The following MOB3B variants were observed in gnomAD, a reference collection of about 807,000 sequenced individuals.
The protein encoded by MOB3B is MOB kinase activator-like 2B.
In MOB3B, 7 loss-of-function variants were observed where a neutral mutation model predicts 18.7. The observed-to-expected ratio is 0.37, with a 90% CI of 0.21 to 0.70. MOB3B has a LOEUF of 0.70. Among genes scored for constraint, MOB3B ranks in the 30% least tolerant of loss-of-function variants. MOB3B has a pLI of 0.52. For synonymous variants in MOB3B, 111 were observed against 99.9 expected, an observed-to-expected ratio of 1.11 and a Z score of -0.66; for missense variants, 253 against 281.3, an observed-to-expected ratio of 0.90 and a Z score of 0.72.
chr9:27,399,755 G>A (rs924097868), intron 2 of MOB3B, among the ~76,000 whole-genome samples: 1 of 152,136 alleles, frequency 6.6e-6, no homozygotes, highest in Non-Finnish European at 1.5e-5. Flanking sequence ...ACTGCCAAGA[G>A]ATCTTCTCTA....
At chr9:27,415,672 C>T (rs1157735714) in intron 2 of MOB3B, among the ~76,000 whole-genome samples, 1 of 152,204 alleles carries the variant, frequency 6.6e-6, no homozygotes, top group African/African-American at 2.4e-5. Context: ...CATCAGCTAA[C>T]TGTGTGAGAA....
rs148862219 is a variant in MOB3B at position 27,412,080 on chromosome 9, C to T, written c.418+43053G>A. On this transcript the variant is annotated intron_variant, in intron 2 of 3. Transcript: ENST00000262244. ...GGGTCGTTTCATTAACAAGGAGAAA[C>T]GAAATAATTCACATAATGTGTGGAA... 1.2e-3 allele frequency among the ~76,000 whole-genome samples: 176 copies of T among 147,816 alleles called. 1 individual carries two copies. The highest frequency in any genetic ancestry group is 4.1e-3 in the African/African-American group (165 of 39,972).
At chr9:27,436,948 G>A (rs1311317251) in intron 2 of MOB3B, among the ~76,000 whole-genome samples, 3 of 141,794 alleles carry the variant, frequency 2.1e-5, no homozygotes, top group Admixed American at 7.3e-5. Flanking sequence ...ACAAGGAACA[G>A]AACGCGCAAA....
chr9:27,514,636 G>A (rs1444853475), intron 1 of MOB3B, among the ~76,000 whole-genome samples: 1 of 152,204 alleles, frequency 6.6e-6, no homozygotes, highest in African/African-American at 2.4e-5. Context: ...AAATGTCAGG[G>A]CAGTCTTTCC....
intron 1 of MOB3B, among the ~76,000 whole-genome samples, chr9:27,473,596 G>GGGAA (rs752360491): frequency 2.6e-5 from 4 of 152,126 alleles, no homozygotes. Context: ...GGGGCAGTGT[G>GGGAA]GGAAGGAATC....
intron 1 of MOB3B, among the ~76,000 whole-genome samples, chr9:27,473,539 G>A (rs770157210): frequency 8.5e-5 from 13 of 152,090 alleles, no homozygotes; most frequent in Non-Finnish European, 1.8e-4. Flanking sequence ...CATCAAGGAG[G>A]GCCATGGGCC....
At chr9:27,515,605 T>C (rs980741654) in intron 1 of MOB3B, among the ~76,000 whole-genome samples, 2 of 152,214 alleles carry the variant, frequency 1.3e-5, no homozygotes, top group African/African-American at 4.8e-5. Flanking sequence ...TACAGATTGT[T>C]ACCAAAGAAT....
intron 1 of MOB3B, among the ~76,000 whole-genome samples, chr9:27,485,908 A>C (rs1819723102): frequency 6.6e-6 from 1 of 152,258 alleles, no homozygotes; most frequent in South Asian, 2.1e-4. Flanking sequence ...TGAACTATTC[A>C]AGACTTTTTA....
chr9:27,489,741 CT>C (rs66757462), intron 1 of MOB3B, among the ~76,000 whole-genome samples: 23 of 73,146 alleles, frequency 3.1e-4, no homozygotes, highest in South Asian at 6.1e-4. Context: ...AGGAAATAAT[CT>C]TTTTTTTTTT....
At chr9:27,330,738 T>C (rs921484143) in intron 3 of MOB3B, 122 bp from the exon 4 acceptor site, 3 of 1,424,164 alleles carry the variant, frequency 2.1e-6, no homozygotes, top group Non-Finnish European at 2.9e-6. Flanking sequence ...GCAAGCATGG[T>C]CCATGAATAA....
intron 2 of MOB3B, among the ~76,000 whole-genome samples, chr9:27,375,874 T>C (rs1227728981): frequency 6.6e-6 from 1 of 152,222 alleles, no homozygotes; most frequent in Non-Finnish European, 1.5e-5. Flanking sequence ...ATGCATGCTT[T>C]GTATTTCAGG....
At chr9:27,362,500 G>A (rs1255296310) in intron 2 of MOB3B, among the ~76,000 whole-genome samples, 1 of 152,150 alleles carries the variant, frequency 6.6e-6, no homozygotes, top group African/African-American at 2.4e-5. Flanking sequence ...CCTCGGGTAG[G>A]TAGGACTCCA....
At position 27,328,549 on chromosome 9, in the gene MOB3B, TA is replaced by T. The variant is rs1219347881; in HGVS notation, c.*2037del. On this transcript the variant is annotated 3_prime_UTR_variant, in exon 4 of 4. Coordinates refer to ENST00000262244, the MANE Select transcript of MOB3B (RefSeq NM_024761.5). ...ATGCACAGTTAATAAAAAATAACCT[TA>T]AAAAGAATGAATAACAAAGGTCTCC... 1.3e-5 allele frequency: 2 copies of T among 152,206 alleles called. No individual in the cohort carries two copies. The highest frequency in any genetic ancestry group is 2.9e-5 in the Non-Finnish European group (2 of 68,032). The allele number at this position is 152,206 out of a possible 1,614,324, so 9.4% of individuals were successfully genotyped here.
At chr9:27,395,047 C>T (rs144517059) in intron 2 of MOB3B, among the ~76,000 whole-genome samples, 1 of 152,212 alleles carries the variant, frequency 6.6e-6, no homozygotes, top group African/African-American at 2.4e-5. Context: ...CTTATCTTGG[C>T]TTAGGATAAA....
chr9:27,386,023 T>C (rs1821646842), intron 2 of MOB3B, among the ~76,000 whole-genome samples: 1 of 152,240 alleles, frequency 6.6e-6, no homozygotes, highest in African/African-American at 2.4e-5. Context: ...TGGGTTGCTG[T>C]GCAGACATGT....
chr9:27,484,742 C>A (rs954322984), intron 1 of MOB3B, among the ~76,000 whole-genome samples: 2 of 152,008 alleles, frequency 1.3e-5, no homozygotes, highest in Admixed American at 6.6e-5. Context: ...AAATCAACCC[C>A]CCGACCCCCG....
At chr9:27,379,214 T>C (rs1048924026) in intron 2 of MOB3B, among the ~76,000 whole-genome samples, 1 of 152,158 alleles carries the variant, frequency 6.6e-6, no homozygotes, top group Non-Finnish European at 1.5e-5. Context: ...GCAGAGTGGA[T>C]TCCCAGACCC....
intron 1 of MOB3B, among the ~76,000 whole-genome samples, chr9:27,508,945 C>A (rs1413879278): frequency 1.3e-5 from 2 of 152,300 alleles, no homozygotes; most frequent in African/African-American, 4.8e-5. Context: ...TCCAGTTGAT[C>A]TGTCTGGAAC....
At chr9:27,489,711 G>A (rs1320427839) in intron 1 of MOB3B, among the ~76,000 whole-genome samples, 2 of 129,648 alleles carry the variant, frequency 1.5e-5, no homozygotes, top group African/African-American at 5.5e-5. Context: ...GGCCCCTAGA[G>A]GGAAACATCA....
Sources: allele counts gnomAD v4.1 joint callset (sites outside exome capture counted in the v4.1 genomes callset), GRCh38; gene constraint gnomAD v4.1.1; transcripts MANE v1.5; gene names NCBI Gene and HGNC (gene_info 2026-07-23, HGNC 2026-07-21).